MPP7: variants seen among roughly 807,000 people sequenced by gnomAD.
The protein encoded by MPP7 is MAGUK p55 subfamily member 7.
In MPP7, 60 loss-of-function variants were observed where a neutral mutation model predicts 76.5. That is an observed-to-expected ratio of 0.78 (90% confidence interval 0.64 to 0.97). The LOEUF is 0.97. MPP7 is among the 50% of genes least tolerant of loss of function. The pLI, the probability that MPP7 is intolerant of heterozygous loss-of-function variation, is 0.00. For synonymous variants in MPP7, 237 were observed against 244.5 expected, an observed-to-expected ratio of 0.97 and a Z score of 0.29; for missense variants, 641 against 694.0, an observed-to-expected ratio of 0.92 and a Z score of 0.86.
Position 28,089,761 on chromosome 10 carries a change from G to T in MPP7, c.1033C>A (p.Gln345Lys). Reference protein sequence around the residue: ...KSMYECKKSDQYDTADVPTYE... With the variant: ...KSMYECKKSDKYDTADVPTYE... The stretch of plus-strand genomic sequence containing the variant: ...GTGGGTACGTCAGCTGTGTCGTACT[G>T]ATCACTCTTCTTGCATTCATACATG... The change falls in exon 12 of 17, where the codon CAG (glutamine) becomes AAG (lysine). Residue 345 changes from glutamine (Q) to lysine (K), a missense_variant. Coordinates refer to ENST00000683449, the MANE Select transcript of MPP7 (RefSeq NM_001318170.2). The T allele has an allele frequency of 6.2e-7, 1 of 1,610,660 alleles. No homozygotes were observed.
At chr10:28,062,580 A>ACACACC (rs1368870710) in intron 13 of MPP7, among the ~76,000 whole-genome samples, 5 of 132,652 alleles carry the variant, frequency 3.8e-5, no homozygotes, top group Admixed American at 2.4e-4. Flanking sequence ...ACACACACAC[A>ACACACC]CCAAAGGTTG....
intron 11 of MPP7, among the ~76,000 whole-genome samples, chr10:28,119,443 T>C (rs1834759033): frequency 6.6e-6 from 1 of 152,162 alleles, no homozygotes; most frequent in Non-Finnish European, 1.5e-5. Context: ...CATGGATTTA[T>C]TATTAACAAC....
chr10:28,190,162 T>C (rs1837367037), intron 3 of MPP7, among the ~76,000 whole-genome samples: 1 of 151,514 alleles, frequency 6.6e-6, no homozygotes, highest in Non-Finnish European at 1.5e-5. Flanking sequence ...AAAGAAAGCA[T>C]CAAAAGACAT....
At chr10:28,098,152 G>C (rs1853655494) in intron 11 of MPP7, among the ~76,000 whole-genome samples, 1 of 151,872 alleles carries the variant, frequency 6.6e-6, no homozygotes, top group African/African-American at 2.4e-5. Context: ...TCAAATGTTA[G>C]CAATATTTTT....
intron 3 of MPP7, among the ~76,000 whole-genome samples, chr10:28,188,227 C>T (rs141417082): frequency 5.3e-5 from 8 of 152,126 alleles, no homozygotes; most frequent in African/African-American, 1.2e-4. Flanking sequence ...CTAATATGCC[C>T]GCGACTTCAT....
chr10:28,222,963 T>C (rs1227705391), intron 2 of MPP7, among the ~76,000 whole-genome samples: 1 of 150,442 alleles, frequency 6.6e-6, no homozygotes, highest in Non-Finnish European at 1.5e-5. Flanking sequence ...TGAAACCCTG[T>C]CTCTACTAAA....
chr10:28,109,648 C>T (rs1254980425), intron 11 of MPP7, among the ~76,000 whole-genome samples: 3 of 151,638 alleles, frequency 2.0e-5, no homozygotes, highest in Non-Finnish European at 4.4e-5. Flanking sequence ...AGTGCAAATG[C>T]GCTCATTTCA....
At chr10:28,302,220 C>T (rs1002039241) in intron 1 of MPP7, among the ~76,000 whole-genome samples, 2 of 152,190 alleles carry the variant, frequency 1.3e-5, no homozygotes, top group African/African-American at 4.8e-5. Context: ...ATTCCTACCT[C>T]ACCGCTCCCC....
Position 28,198,599 on chromosome 10 carries a change from A to G in MPP7, c.156+3554T>C, listed in dbSNP as rs1420694463. On this transcript the variant is annotated intron_variant, in intron 3 of 16. Coordinates refer to ENST00000683449, the MANE Select transcript of MPP7 (RefSeq NM_001318170.2). ...CAGAGAATTTAAAAAAAAAAAAAAG[A>G]AAGAAAGAAATATAGTATTTAAGCA... 2.6e-5 allele frequency among the ~76,000 whole-genome samples: 4 copies of G among 151,178 alleles called. No homozygotes were observed. The South Asian group carries it at 8.4e-4, about 32-fold the overall frequency.
rs968989046 is a variant in MPP7 at position 28,324,453 on chromosome 10, G to A, written c.-132+5476C>T. On this transcript the variant is annotated intron_variant, in intron 2 of 11. Coordinates refer to the MPP7 transcript ENST00000441595. ...AGTAAGATTATTATGTACCACGAAT[G>A]GTTCTAAGTACTTGGCACATGTTGT... 4.6e-5 allele frequency among the ~76,000 whole-genome samples: 7 copies of A among 152,294 alleles called. No homozygotes were observed. The East Asian group carries it at 9.7e-4, about 21-fold the overall frequency.
At chr10:28,113,982 C>G (rs1007417963) in intron 11 of MPP7, among the ~76,000 whole-genome samples, 1 of 152,194 alleles carries the variant, frequency 6.6e-6, no homozygotes, top group Non-Finnish European at 1.5e-5. Context: ...GGAGAGTCTC[C>G]TGCCAGGAGT....
chr10:28,145,335 C>T (rs1344546955), intron 5 of MPP7, among the ~76,000 whole-genome samples: 2 of 152,120 alleles, frequency 1.3e-5, no homozygotes, highest in South Asian at 4.1e-4. Flanking sequence ...CTTCCCTAAT[C>T]CACTAGAAAT....
chr10:28,168,778 A>G (rs1008909805), intron 3 of MPP7, among the ~76,000 whole-genome samples: 8 of 152,134 alleles, frequency 5.3e-5, no homozygotes, highest in African/African-American at 1.7e-4. Context: ...TCGGCCTCCC[A>G]AAGTGCTGGG....
At chr10:28,250,232 G>A (rs1264174933) in intron 1 of MPP7, among the ~76,000 whole-genome samples, 1 of 152,144 alleles carries the variant, frequency 6.6e-6, no homozygotes, top group Non-Finnish European at 1.5e-5. Flanking sequence ...AAGTAATGGT[G>A]TCTGTAATTT....
Position 28,124,997 on chromosome 10 carries a change from T to C in MPP7, c.529+13A>G, listed in dbSNP as rs372384799. On this transcript the variant is annotated intron_variant, in intron 7 of 16. Coordinates refer to ENST00000683449, the MANE Select transcript of MPP7 (RefSeq NM_001318170.2). ...GTGATTAGTCTGTACTTGGTTAACA[T>C]TTAAAGTCTCACCACTTCTATCTGC... 1 of 1,611,418 alleles carries C rather than the reference T, an allele frequency of 6.2e-7. No homozygotes were observed. Among genetic ancestry groups the C allele is most frequent in the African/African-American group, 1.3e-5 (1 of 74,860 alleles).
At chr10:28,226,257 ATT>A (rs34909406) in intron 2 of MPP7, among the ~76,000 whole-genome samples, 26,010 of 147,218 alleles carry the variant, frequency 0.18, 2,528 homozygotes, top group African/African-American at 0.26. Context: ...GGTAAAGTTA[ATT>A]TTTTTTTTTT....
chr10:28,149,609 T>C (rs1029421666), intron 4 of MPP7, among the ~76,000 whole-genome samples: 4 of 152,250 alleles, frequency 2.6e-5, no homozygotes, highest in African/African-American at 7.2e-5. Flanking sequence ...TGTCATTTTT[T>C]AGTACTGTCA....
chr10:28,098,737 T>C (rs1431056836), intron 11 of MPP7, among the ~76,000 whole-genome samples: 1 of 151,986 alleles, frequency 6.6e-6, no homozygotes, highest in Admixed American at 6.5e-5. Flanking sequence ...GTGATTATGG[T>C]AATAGACCAA....
intron 3 of MPP7, among the ~76,000 whole-genome samples, chr10:28,158,395 T>A (rs1836140919): frequency 1.3e-5 from 2 of 152,062 alleles, no homozygotes; most frequent in Non-Finnish European, 2.9e-5. Flanking sequence ...GAGTGGAAAT[T>A]GTCTTACGGA....
Sources: allele counts gnomAD v4.1 joint callset (sites outside exome capture counted in the v4.1 genomes callset), GRCh38; gene constraint gnomAD v4.1.1; transcripts MANE v1.5; gene names NCBI Gene and HGNC (gene_info 2026-07-23, HGNC 2026-07-21).